RYR2: variants seen among roughly 807,000 people sequenced by gnomAD.
The protein encoded by RYR2 is ryanodine receptor 2.
A neutral mutation model predicts 601.1 loss-of-function variants in RYR2; 227 were observed. The ratio of observed to expected loss-of-function variants is 0.38; its 90% CI spans 0.34 to 0.42. The LOEUF (loss-of-function observed/expected upper bound fraction) is 0.42. Among genes scored for constraint, RYR2 ranks in the 10% least tolerant of loss-of-function variants. RYR2 has a pLI of 1.00. For synonymous variants in RYR2, 2,223 were observed against 2,175.1 expected (o/e 1.02, Z -0.61); for missense variants, 4,646 against 6,156.5 (o/e 0.75, Z 8.21).
intron 10 of RYR2, among the ~76,000 whole-genome samples, chr1:237,397,798 T>G (rs1420366061): frequency 6.6e-6 from 1 of 150,892 alleles, no homozygotes; most frequent in African/African-American, 2.4e-5. Context: ...CTCGGCTCAC[T>G]GTAAGCTCCG....
intron 100 of RYR2, among the ~76,000 whole-genome samples, chr1:237,814,750 CAGAT>C (rs2149465430): frequency 6.6e-6 from 1 of 152,184 alleles, no homozygotes. Flanking sequence ...ATGTTCATCT[CAGAT>C]GGAGAGGGAC....
rs143777749 is a variant in RYR2 at position 237,649,688 on chromosome 1, T to C, written c.7513-189T>C. Among the ~76,000 whole-genome samples the C allele has an allele frequency of 2.3e-3, 354 of 152,344 alleles. 2 individuals are homozygous for C. Among genetic ancestry groups the C allele is most frequent in the Admixed American group, 3.6e-3 (55 of 15,294 alleles). ...TTTTTATCTATTTATGAACAATGGA[T>C]AGTTGATTGTTTTTAGTGGTAAAAA... On this transcript the variant is annotated intron_variant, in intron 49 of 104. Coordinates refer to ENST00000366574, the MANE Select transcript of RYR2 (RefSeq NM_001035.3).
chr1:237,533,428 T>A (rs576818946), intron 25 of RYR2, among the ~76,000 whole-genome samples: 6 of 152,198 alleles, frequency 3.9e-5, no homozygotes, highest in African/African-American at 1.4e-4. Flanking sequence ...CTAGAGACAG[T>A]TCGCACCGAC....
At chr1:237,587,983 C>T (rs1674718876) in intron 29 of RYR2, among the ~76,000 whole-genome samples, 1 of 152,118 alleles carries the variant, frequency 6.6e-6, no homozygotes, top group African/African-American at 2.4e-5. Flanking sequence ...TAATGCAGTT[C>T]AAGCTGTCTG....
chr1:237,671,513 G>T (rs562685293), intron 58 of RYR2, among the ~76,000 whole-genome samples: 4 of 150,998 alleles, frequency 2.6e-5, no homozygotes, highest in Non-Finnish European at 5.9e-5. Context: ...GTGTGTGTGT[G>T]TGTGTGCGTG....
At chr1:237,133,201 G>A (rs984449718) in intron 1 of RYR2, among the ~76,000 whole-genome samples, 1 of 152,098 alleles carries the variant, frequency 6.6e-6, no homozygotes, top group Non-Finnish European at 1.5e-5. Context: ...AATTGGGGCT[G>A]TGGGGGCTGT....
At chr1:237,760,913 CTA>C in intron 83 of RYR2, 40 bp from the exon 84 acceptor site, 5 of 1,282,912 alleles carry the variant, frequency 3.9e-6, no homozygotes, top group Non-Finnish European at 4.4e-6. Flanking sequence ...AGAAAATGTT[CTA>C]TTAGTCCTCT....
intron 1 of RYR2, among the ~76,000 whole-genome samples, chr1:237,086,850 A>G (rs2148434363): frequency 6.6e-6 from 1 of 152,342 alleles, no homozygotes; most frequent in Non-Finnish European, 1.5e-5. Flanking sequence ...GTTGGCAAAC[A>G]GCAGTCAAAC....
At chr1:237,724,538 A>G (rs1012373990) in intron 74 of RYR2, among the ~76,000 whole-genome samples, 2 of 151,906 alleles carry the variant, frequency 1.3e-5, no homozygotes, top group African/African-American at 4.8e-5. Flanking sequence ...CTGTATGGCT[A>G]TTAACATATA....
intron 3 of RYR2, among the ~76,000 whole-genome samples, chr1:237,344,701 A>G (rs988523972): frequency 6.6e-6 from 1 of 152,086 alleles, no homozygotes; most frequent in African/African-American, 2.4e-5. Context: ...TTTGGTATGT[A>G]TTTTATACAT....
chr1:237,730,919 A>G (rs1690623120), intron 77 of RYR2, among the ~76,000 whole-genome samples: 1 of 152,136 alleles, frequency 6.6e-6, no homozygotes, highest in Admixed American at 6.6e-5. Flanking sequence ...ACCCATCTAA[A>G]TATCTGGCAA....
At chr1:237,316,274 TATTAATGACACCTTACAGC>T (rs1184376665) in intron 2 of RYR2, among the ~76,000 whole-genome samples, 1 of 152,202 alleles carries the variant, frequency 6.6e-6, no homozygotes, top group Non-Finnish European at 1.5e-5. Flanking sequence ...TATATGAATA[TATTAATGACACCTTACAGC>T]ATTTCTTGGC....
At chr1:237,551,726 A>T (rs571418122) in intron 27 of RYR2, among the ~76,000 whole-genome samples, 1 of 152,312 alleles carries the variant, frequency 6.6e-6, no homozygotes, top group South Asian at 2.1e-4. Context: ...CTAGTGGCTC[A>T]TATTTTCAGT....
chr1:237,197,061 G>C (rs1261242561), intron 1 of RYR2, among the ~76,000 whole-genome samples: 1 of 152,062 alleles, frequency 6.6e-6, no homozygotes, highest in South Asian at 2.1e-4. Context: ...TATATGTTCT[G>C]TTTGTTCCTG....
At chr1:237,694,501 A>C (rs1687241430) in intron 63 of RYR2, among the ~76,000 whole-genome samples, 1 of 152,178 alleles carries the variant, frequency 6.6e-6, no homozygotes, top group Non-Finnish European at 1.5e-5. Context: ...CTATGACAAT[A>C]TGCATGGCAA....
chr1:237,643,554 A>G, intron 48 of RYR2, 107 bp downstream of exon 48: 1 of 1,192,428 alleles, frequency 8.4e-7, no homozygotes, highest in Non-Finnish European at 1.2e-6. Flanking sequence ...TTCCTAAATT[A>G]TGTGTATACT....
intron 12 of RYR2, among the ~76,000 whole-genome samples, chr1:237,436,453 CCT>C (rs1707364082): frequency 1.8e-5 from 1 of 55,830 alleles, no homozygotes; most frequent in Non-Finnish European, 3.1e-5. Flanking sequence ...GTGTGATTTT[CCT>C]TTTTTTTTTT....
chr1:237,116,052 T>A lies in RYR2; in HGVS notation c.48+73483T>A, dbSNP rs182794375. Among the ~76,000 whole-genome samples, 407 of 152,366 alleles carry A rather than the reference T, an allele frequency of 2.7e-3. 3 individuals are homozygous for A. Among genetic ancestry groups the A allele is most frequent in the African/African-American group, 9.5e-3 (395 of 41,596 alleles). On this transcript the variant is annotated intron_variant, in intron 1 of 104. Transcript: ENST00000366574. ...GATGATTTCAGGTGATTTTCAAGGC[T>A]GAAATTATGATATTAGAATCTGAAT...
intron 46 of RYR2, 130 bp downstream of exon 46, chr1:237,639,331 A>G: frequency 1.1e-6 from 1 of 905,100 alleles, no homozygotes; most frequent in African/African-American, 1.7e-5. Flanking sequence ...TGAAAATATA[A>G]TGTCTTAGAT....
Sources: gnomAD v4.1 joint callset for allele counts (sites outside exome capture counted in the v4.1 genomes callset) on GRCh38, gnomAD v4.1.1 for gene constraint, MANE v1.5 for transcripts, NCBI Gene and HGNC (gene_info 2026-07-23, HGNC 2026-07-21) for gene names.